NPR3: variants seen among roughly 807,000 people sequenced by gnomAD.
The protein encoded by NPR3 is natriuretic peptide receptor 3.
A neutral mutation model predicts 54.5 loss-of-function variants in NPR3; 34 were observed. The observed-to-expected ratio is 0.62, with a 90% CI of 0.47 to 0.83. NPR3 has a LOEUF of 0.83. NPR3 is among the 40% of genes least tolerant of loss of function. NPR3 has a pLI of 0.00. For synonymous variants in NPR3, 289 were observed against 297.1 expected (o/e 0.97, Z 0.28); for missense variants, 674 against 720.8 (o/e 0.94, Z 0.74).
chr5:32,722,040 C>T (rs1176667585), intron 1 of NPR3, among the ~76,000 whole-genome samples: 2 of 152,070 alleles, frequency 1.3e-5, no homozygotes, highest in Non-Finnish European at 2.9e-5. Context: ...ATACCACCAA[C>T]AAATGATTTT....
intron 1 of NPR3, among the ~76,000 whole-genome samples, chr5:32,691,824 A>G (rs1740396666): frequency 6.6e-6 from 1 of 152,256 alleles, no homozygotes; most frequent in Admixed American, 6.5e-5. Flanking sequence ...GAGGAGAAGG[A>G]ATAAGTAAAA....
intron 1 of NPR3, among the ~76,000 whole-genome samples, chr5:32,719,518 A>C (rs1376555032): frequency 6.6e-6 from 1 of 152,178 alleles, no homozygotes; most frequent in Non-Finnish European, 1.5e-5. Flanking sequence ...AGCTGGAATC[A>C]GTTTGGATTC....
At chr5:32,774,636 T>G in intron 3 of NPR3, 72 bp from the exon 4 acceptor site, 1 of 1,167,400 alleles carries the variant, frequency 8.6e-7, no homozygotes, top group Non-Finnish European at 1.3e-6. Flanking sequence ...GTTAACGCTT[T>G]GGATTGCTCA....
chr5:32,784,019 A>C (rs187704562), intron 6 of NPR3, among the ~76,000 whole-genome samples: 7 of 152,334 alleles, frequency 4.6e-5, no homozygotes, highest in Admixed American at 3.9e-4. Context: ...TTCCAAAGCT[A>C]TGTAGGACAT....
At chr5:32,753,932 A>G (rs1281752956) in intron 3 of NPR3, among the ~76,000 whole-genome samples, 2 of 152,196 alleles carry the variant, frequency 1.3e-5, no homozygotes, top group African/African-American at 2.4e-5. Flanking sequence ...GCATTGCACT[A>G]GTAAAGTGGA....
intron 3 of NPR3, among the ~76,000 whole-genome samples, chr5:32,759,175 C>T (rs1347093316): frequency 5.3e-5 from 8 of 152,212 alleles, no homozygotes; most frequent in East Asian, 1.9e-4. Flanking sequence ...CTTTCTGTCT[C>T]GTTGATCTGT....
chr5:32,703,437 A>G (rs544136610), intron 1 of NPR3, among the ~76,000 whole-genome samples: 1 of 151,804 alleles, frequency 6.6e-6, no homozygotes, highest in East Asian at 2.0e-4. Flanking sequence ...CCCAGTAGTC[A>G]CCATGGCTGG....
At chr5:32,702,371 T>C (rs1737846020) in intron 1 of NPR3, among the ~76,000 whole-genome samples, 1 of 151,600 alleles carries the variant, frequency 6.6e-6, no homozygotes, top group African/African-American at 2.4e-5. Flanking sequence ...AACTCGTCAT[T>C]TAGCAGTAGG....
At chr5:32,785,608 T>C (rs1034676326) in intron 7 of NPR3, among the ~76,000 whole-genome samples, 3 of 152,170 alleles carry the variant, frequency 2.0e-5, no homozygotes, top group Admixed American at 2.0e-4. Context: ...AGGAGGGAGC[T>C]TTGCGTAGCC....
chr5:32,738,746 A>G, intron 2 of NPR3, 118 bp from the exon 3 acceptor site: 1 of 810,794 alleles, frequency 1.2e-6, no homozygotes, highest in South Asian at 1.7e-5. Flanking sequence ...AACTATGACA[A>G]TACTTCTCTT....
chr5:32,692,508 T>C (rs138721218), intron 1 of NPR3, among the ~76,000 whole-genome samples: 1 of 152,308 alleles, frequency 6.6e-6, no homozygotes, highest in East Asian at 1.9e-4. Flanking sequence ...AATAAACTTC[T>C]CCACTAATGT....
chr5:32,768,399 C>A (rs1373825358), intron 3 of NPR3, among the ~76,000 whole-genome samples: 1 of 152,202 alleles, frequency 6.6e-6, no homozygotes, highest in Non-Finnish European at 1.5e-5. Context: ...GCAAATATAT[C>A]ATATGACCAT....
At chr5:32,782,680 C>T (rs1008643598) in intron 5 of NPR3, among the ~76,000 whole-genome samples, 2 of 152,176 alleles carry the variant, frequency 1.3e-5, no homozygotes, top group Non-Finnish European at 2.9e-5. Context: ...CACACCATGA[C>T]CATCAGTGTG....
At chr5:32,717,169 C>T (rs191168177) in intron 1 of NPR3, among the ~76,000 whole-genome samples, 241 of 152,302 alleles carry the variant, frequency 1.6e-3, no homozygotes, top group Non-Finnish European at 2.6e-3. Context: ...CATTTCCCTG[C>T]AAAGGACATG....
At chr5:32,735,636 C>T (rs182015178) in intron 2 of NPR3, among the ~76,000 whole-genome samples, 1 of 152,302 alleles carries the variant, frequency 6.6e-6, no homozygotes, top group African/African-American at 2.4e-5. Flanking sequence ...CCACCCTAAT[C>T]CACTGCTATT....
intron 5 of NPR3, among the ~76,000 whole-genome samples, chr5:32,781,078 T>C (rs2112067708): frequency 1.3e-5 from 2 of 151,826 alleles, no homozygotes; most frequent in East Asian, 3.9e-4. Context: ...GTAAAATCAG[T>C]AAAGTGAAAC....
chr5:32,729,963 C>T lies in NPR3; in HGVS notation c.892+5143C>T, dbSNP rs370827526. 3.6e-4 allele frequency among the ~76,000 whole-genome samples: 55 copies of T among 152,276 alleles called. No homozygotes were observed. The East Asian group carries it at 9.8e-3, about 27-fold the overall frequency. On this transcript the variant is annotated intron_variant, in intron 2 of 7. Transcript: ENST00000265074. ...CTATTTGAAATTTACCACTTCTCCT[C>T]CTAATGTTCTTTTTCTGTTCCAGGA...
intron 3 of NPR3, among the ~76,000 whole-genome samples, chr5:32,773,235 C>A (rs915047382): frequency 1.3e-5 from 2 of 152,140 alleles, no homozygotes; most frequent in Non-Finnish European, 2.9e-5. Flanking sequence ...AATGAGAAGG[C>A]TTGGATTTTT....
At chr5:32,739,098 GA>G in intron 3 of NPR3, 68 bp downstream of exon 3, 1 of 1,499,668 alleles carries the variant, frequency 6.7e-7, no homozygotes, top group Admixed American at 1.8e-5. Context: ...AATCAGAGAT[GA>G]CAGAGTGTCC....
Sources: allele counts gnomAD v4.1 joint callset (sites outside exome capture counted in the v4.1 genomes callset), GRCh38; gene constraint gnomAD v4.1.1; transcripts MANE v1.5; gene names NCBI Gene and HGNC (gene_info 2026-07-23, HGNC 2026-07-21).